Variants in PABIR3 observed in about 807,000 individuals in gnomAD.
The protein encoded by PABIR3 is PABIR family member 1.
In PABIR3, 20 loss-of-function variants were observed where a neutral mutation model predicts 23.1. The ratio of observed to expected loss-of-function variants is 0.86; its 90% CI spans 0.61 to 1.26. The LOEUF (loss-of-function observed/expected upper bound fraction) is 1.26. Among genes scored for constraint, PABIR3 ranks in the 50% most tolerant of loss-of-function variants. PABIR3 has a pLI of 0.00. For missense variants in PABIR3, 189 were observed against 195.4 expected (o/e 0.97, Z 0.20); for synonymous variants, 69 against 68.5 (o/e 1.01, Z -0.04).
chrX:134,801,964 G>C (rs912326501), intron 1 of PABIR3, among the ~76,000 whole-genome samples: 1 of 109,266 alleles, frequency 9.2e-6, no homozygotes, highest in Non-Finnish European at 1.9e-5. Flanking sequence ...ACTGGAAAAC[G>C]ATGAGCTGCC....
At chrX:134,819,979 G>A (rs1603199296) in intron 3 of PABIR3, among the ~76,000 whole-genome samples, 2 of 111,354 alleles carry the variant, frequency 1.8e-5, no homozygotes, top group Non-Finnish European at 3.8e-5. Flanking sequence ...ATAATAAGAA[G>A]CCCCAAGAAA....
intron 2 of PABIR3, among the ~76,000 whole-genome samples, chrX:134,813,115 C>T (rs1364457572): frequency 1.8e-5 from 2 of 111,757 alleles, no homozygotes; most frequent in Non-Finnish European, 3.8e-5. Flanking sequence ...AAAAAAATGA[C>T]TTGGCAAAAG....
chrX:134,862,568 T>C, the PABIR3 span, among the ~76,000 whole-genome samples: 9 of 112,473 alleles, frequency 8.0e-5, no homozygotes, highest in Non-Finnish European at 1.5e-4. Flanking sequence ...GGAAAGTTGA[T>C]GGTTTTTATT....
At chrX:134,818,946 T>A (rs2081126001) in intron 3 of PABIR3, among the ~76,000 whole-genome samples, 1 of 102,360 alleles carries the variant, frequency 9.8e-6, no homozygotes, top group African/African-American at 3.6e-5. Context: ...TTTTTTTTTT[T>A]TTTTTTTTTT....
At chrX:134,840,167 C>A (rs948237501) in intron 4 of PABIR3, among the ~76,000 whole-genome samples, 2 of 110,820 alleles carry the variant, frequency 1.8e-5, no homozygotes, top group Non-Finnish European at 3.8e-5. Flanking sequence ...GCAGCGTGCT[C>A]GTTAAGAGTC....
At chrX:134,856,907 G>A (rs1273451999), downstream of PABIR3, among the ~76,000 whole-genome samples, 3 of 110,838 alleles carry the variant, frequency 2.7e-5, no homozygotes, top group African/African-American at 9.8e-5. Context: ...AGCTACTCAG[G>A]AGGCTTAGGC....
At chrX:134,807,861 G>T (rs1004259193) in intron 2 of PABIR3, among the ~76,000 whole-genome samples, 153 bp downstream of exon 2, 1 of 111,177 alleles carries the variant, frequency 9.0e-6, no homozygotes, top group Non-Finnish European at 1.9e-5. Context: ...TCAACCTTGG[G>T]TGGGGGTAGT....
At chrX:134,861,219 G>A in the PABIR3 span, among the ~76,000 whole-genome samples, 1 of 109,536 alleles carries the variant, frequency 9.1e-6, no homozygotes, top group Non-Finnish European at 1.9e-5. Flanking sequence ...AGGTTGCAGT[G>A]AGCCGAGATG....
intron 3 of PABIR3, among the ~76,000 whole-genome samples, chrX:134,827,837 C>T (rs1294899984): frequency 9.1e-6 from 1 of 109,402 alleles, no homozygotes; most frequent in African/African-American, 3.3e-5. Context: ...AAGACTTCCT[C>T]AAGACCCACA....
chrX:134,844,684 T>C (rs752234216), intron 4 of PABIR3, among the ~76,000 whole-genome samples: 6 of 111,891 alleles, frequency 5.4e-5, no homozygotes, highest in Non-Finnish European at 1.1e-4. Context: ...GATCCATTTG[T>C]CTCCCATTTA....
chrX:134,828,047 C>CTATATATATATATATATA (rs61129426), intron 3 of PABIR3, among the ~76,000 whole-genome samples: 2 of 49,420 alleles, frequency 4.0e-5, no homozygotes, highest in African/African-American at 8.2e-5. Context: ...CTCTCTCTCT[C>CTATATATATATATATATA]TATATATATA....
chrX:134,817,337 A>G (rs907592818), intron 3 of PABIR3, among the ~76,000 whole-genome samples: 2 of 109,657 alleles, frequency 1.8e-5, no homozygotes, highest in Admixed American at 2.0e-4. Context: ...TCTTCTTTCT[A>G]CTCATTTACT....
At chrX:134,836,695 A>G (rs1332194927) in intron 4 of PABIR3, among the ~76,000 whole-genome samples, 3 of 111,792 alleles carry the variant, frequency 2.7e-5, no homozygotes, top group Non-Finnish European at 5.6e-5. Context: ...GCTTCTGAAT[A>G]TATTCTGTCT....
At chrX:134,853,697 G>T (rs780767150) in intron 10 of PABIR3, among the ~76,000 whole-genome samples, 1 of 108,348 alleles carries the variant, frequency 9.2e-6, no homozygotes, top group African/African-American at 3.4e-5. Flanking sequence ...TCGGCTTACT[G>T]CAACCTCTAC....
chrX:134,821,299 G>A, intron 3 of PABIR3: 1 of 978,752 alleles, frequency 1.0e-6, no homozygotes, highest in South Asian at 2.3e-5. Context: ...GTTTAATTAA[G>A]TGCAAATATT....
chrX:134,856,160 C>T (rs1234149373), downstream of PABIR3, among the ~76,000 whole-genome samples: 2 of 108,658 alleles, frequency 1.8e-5, no homozygotes. Flanking sequence ...TTTCTCAACT[C>T]AGACAATTCC....
chrX:134,821,271 T>G, intron 3 of PABIR3: 3 of 883,077 alleles, frequency 3.4e-6, no homozygotes, highest in Non-Finnish European at 4.5e-6. Flanking sequence ...AAAAAAACTG[T>G]TCCCTCACAA....
chrX:134,809,752 A>T (rs1332898907), intron 2 of PABIR3: 2 of 722,303 alleles, frequency 2.8e-6, no homozygotes, highest in Non-Finnish European at 3.3e-6. Context: ...CAGAGCCAGT[A>T]CTAGGAAGCT....
At chrX:134,849,421 T>C (rs1385551187) in intron 9 of PABIR3, among the ~76,000 whole-genome samples, 193 bp downstream of exon 9, 1 of 112,271 alleles carries the variant, frequency 8.9e-6, no homozygotes, top group African/African-American at 3.2e-5. Context: ...TAAAATGCTA[T>C]ATAAATGTGA....
Sources: allele counts gnomAD v4.1 joint callset (sites outside exome capture counted in the v4.1 genomes callset), GRCh38; gene constraint gnomAD v4.1.1; transcripts MANE v1.5; gene names NCBI Gene and HGNC (gene_info 2026-07-23, HGNC 2026-07-21).